Variants in NEXMIF observed in about 807,000 individuals in gnomAD.
NEXMIF encodes the protein XLMR protein related to neurite extension.
In NEXMIF, 8 loss-of-function variants were observed where a neutral mutation model predicts 62.1. That is an observed-to-expected ratio of 0.13 (90% CI 0.08 to 0.23). The LOEUF (loss-of-function observed/expected upper bound fraction) is 0.23, where lower values mean the gene tolerates loss of function less well. Among genes scored for constraint, NEXMIF ranks in the 10% least tolerant of loss-of-function variants. The probability of loss-of-function intolerance (pLI) is 1.00; values close to 1 mark genes in which losing one functional copy is unlikely to be tolerated. For missense variants in NEXMIF, 976 were observed against 1,113.3 expected (o/e 0.88, Z 1.75); for synonymous variants, 404 against 416.6 (o/e 0.97, Z 0.37).
chrX:74,815,359 C>T (rs1419280440), intron 1 of NEXMIF, among the ~76,000 whole-genome samples: 8 of 111,429 alleles, frequency 7.2e-5, no homozygotes, highest in Non-Finnish European at 1.5e-4. Flanking sequence ...AGTACAGCTA[C>T]CAAGTCTTAT....
intron 1 of NEXMIF, among the ~76,000 whole-genome samples, chrX:74,897,471 A>G (rs763085516): frequency 1.8e-5 from 2 of 112,392 alleles, no homozygotes; most frequent in East Asian, 5.6e-4. Flanking sequence ...GGTACTATTT[A>G]CTATCATACA....
intron 1 of NEXMIF, among the ~76,000 whole-genome samples, chrX:74,763,134 A>G (rs2080182909): frequency 8.9e-6 from 1 of 111,754 alleles, no homozygotes; most frequent in Admixed American, 9.5e-5. Flanking sequence ...ATCTTGAATT[A>G]ATTTTTGTGT....
Position 74,786,621 on chromosome X carries a change from A to G in NEXMIF, c.-47-40924T>C, listed in dbSNP as rs192006600. Reference sequence around the variant, plus strand: ...CAACTATTACTATTCTGAATCCAGCACATTCCCCCACACACAATCACCACA... The same window carrying G: ...CAACTATTACTATTCTGAATCCAGCGCATTCCCCCACACACAATCACCACA... On this transcript the variant is annotated intron_variant, in intron 1 of 3. Transcript: ENST00000055682. Among the ~76,000 whole-genome samples, 358 of 111,601 alleles carry G rather than the reference A, an allele frequency of 3.2e-3. 2 individuals carry two copies. Among genetic ancestry groups the G allele is most frequent in the African/African-American group, 0.011 (342 of 30,704 alleles).
At chrX:74,846,572 A>T (rs2080492515) in intron 1 of NEXMIF, among the ~76,000 whole-genome samples, 2 of 112,041 alleles carry the variant, frequency 1.8e-5, no homozygotes, top group South Asian at 7.4e-4. Flanking sequence ...CTTGGCCTGG[A>T]GGGGAGATGT....
chrX:74,880,503 A>C (rs1211813008), intron 1 of NEXMIF, among the ~76,000 whole-genome samples: 1 of 111,489 alleles, frequency 9.0e-6, no homozygotes, highest in African/African-American at 3.3e-5. Context: ...CAAACGTTAC[A>C]ATTCTGTGCA....
At chrX:74,823,108 T>A (rs1222611057) in intron 1 of NEXMIF, among the ~76,000 whole-genome samples, 1 of 112,076 alleles carries the variant, frequency 8.9e-6, no homozygotes, top group Non-Finnish European at 1.9e-5. Context: ...AGGCCACATA[T>A]TGCTACAGAT....
intron 1 of NEXMIF, among the ~76,000 whole-genome samples, chrX:74,798,935 A>G (rs754706049): frequency 3.6e-5 from 4 of 110,088 alleles, no homozygotes; most frequent in Non-Finnish European, 5.7e-5. Context: ...ACAGTTGGAG[A>G]AAAACCAGAG....
At position 74,897,215 on chromosome X, in the gene NEXMIF, A is replaced by G. The variant is rs1350147676; in HGVS notation, c.-48+27668T>C. Among the ~76,000 whole-genome samples the G allele has an allele frequency of 3.6e-5, 4 of 111,544 alleles. No individual in the cohort carries two copies. In the Admixed American group the frequency reaches 3.8e-4, roughly 11 times the overall value. On this transcript the variant is annotated intron_variant, in intron 1 of 3. Transcript: ENST00000055682. Reference sequence around the variant, plus strand: ...GGTTACTGGAGTAAGAGTCAAGAGAACCCAGTCTGTCTAACTCATATGGTG... The same window carrying G: ...GGTTACTGGAGTAAGAGTCAAGAGAGCCCAGTCTGTCTAACTCATATGGTG...
At chrX:74,763,342 C>G (rs762967028) in intron 1 of NEXMIF, among the ~76,000 whole-genome samples, 2 of 111,792 alleles carry the variant, frequency 1.8e-5, no homozygotes, top group African/African-American at 6.5e-5. Context: ...GTTTTGGTAC[C>G]AGTACCATGC....
At chrX:74,757,324 T>C (rs1177561603) in intron 1 of NEXMIF, among the ~76,000 whole-genome samples, 2 of 111,908 alleles carry the variant, frequency 1.8e-5, no homozygotes, top group East Asian at 5.6e-4. Context: ...AACTTGTCTA[T>C]TTGCATGGGA....
intron 1 of NEXMIF, among the ~76,000 whole-genome samples, chrX:74,779,444 G>A (rs779359483): frequency 3.1e-4 from 35 of 111,965 alleles, no homozygotes; most frequent in Non-Finnish European, 6.4e-4. Flanking sequence ...CCTGGCTCAA[G>A]AACTCACAAT....
chrX:74,745,716 T>A lies in NEXMIF; in HGVS notation c.-47-19A>T. ...GTCCAACCTGCACATTTCAAATATA[T>A]AATATCAGTCATTAAATTTGTTTTA... is the stretch of plus-strand genomic sequence containing the variant. On this transcript the variant is annotated intron_variant, in intron 1 of 3. Transcript: ENST00000055682. 1.5e-6 allele frequency: 1 copy of A among 675,038 alleles called. No homozygotes were observed. The highest frequency in any genetic ancestry group is 2.4e-6 in the Non-Finnish European group (1 of 419,170). 55.6% of individuals were successfully genotyped at this position (675,038 alleles called of 1,213,427 possible). A position where few individuals can be genotyped will look rare whatever the true frequency, so the allele number is the denominator to read the frequency against.
At chrX:74,823,122 T>C (rs2080402881) in intron 1 of NEXMIF, among the ~76,000 whole-genome samples, 1 of 112,131 alleles carries the variant, frequency 8.9e-6, no homozygotes, top group Non-Finnish European at 1.9e-5. Flanking sequence ...TACAGATCCA[T>C]TTATAAAATA....
intron 1 of NEXMIF, among the ~76,000 whole-genome samples, chrX:74,921,417 C>G (rs751968713): frequency 2.7e-5 from 3 of 112,013 alleles, no homozygotes; most frequent in African/African-American, 9.7e-5. Context: ...TGAGAAGACA[C>G]GAATGTTCAC....
intron 1 of NEXMIF, among the ~76,000 whole-genome samples, chrX:74,829,614 T>C (rs1242142908): frequency 8.9e-6 from 1 of 111,851 alleles, no homozygotes; most frequent in Non-Finnish European, 1.9e-5. Flanking sequence ...TTGCATTTTT[T>C]TGAGGAACCT....
intron 1 of NEXMIF, among the ~76,000 whole-genome samples, chrX:74,805,783 A>C (rs1184789478): frequency 8.9e-6 from 1 of 111,861 alleles, no homozygotes; most frequent in African/African-American, 3.2e-5. Context: ...CAAAGATCAG[A>C]GATTACAGGT....
At chrX:74,919,838 A>T (rs1211713197) in intron 1 of NEXMIF, among the ~76,000 whole-genome samples, 2 of 110,013 alleles carry the variant, frequency 1.8e-5, no homozygotes, top group South Asian at 4.0e-4. Context: ...ATGTGTTCTC[A>T]TTGTTCAATT....
At chrX:74,826,809 A>G (rs996732396) in intron 1 of NEXMIF, among the ~76,000 whole-genome samples, 26 of 111,610 alleles carry the variant, frequency 2.3e-4, no homozygotes, top group African/African-American at 7.5e-4. Context: ...TTTTAAACTA[A>G]AGGATATTGG....
intron 1 of NEXMIF, among the ~76,000 whole-genome samples, chrX:74,765,113 T>G (rs1735430365): frequency 8.9e-6 from 1 of 112,104 alleles, no homozygotes; most frequent in Non-Finnish European, 1.9e-5. Flanking sequence ...GCTCCTGTGA[T>G]AGGTGCATAT....
Sources: gnomAD v4.1 joint callset for allele counts (sites outside exome capture counted in the v4.1 genomes callset) on GRCh38, gnomAD v4.1.1 for gene constraint, MANE v1.5 for transcripts, NCBI Gene and HGNC (gene_info 2026-07-23, HGNC 2026-07-21) for gene names.